Variants in DCAF8L2 observed in about 807,000 individuals in gnomAD.
DCAF8L2 encodes DDB1- and CUL4-associated factor 8-like protein 2.
For synonymous variants in DCAF8L2, 200 were observed against 190.9 expected (o/e 1.05, Z -0.39); for missense variants, 430 against 490.7 (o/e 0.88, Z 1.17).
chrX:27,584,195 T>A, the DCAF8L2 span, among the ~76,000 whole-genome samples: 15 of 111,839 alleles, frequency 1.3e-4, no homozygotes, highest in African/African-American at 4.9e-4. Flanking sequence ...TGCCTTGTTA[T>A]CAGCAAAAGA....
intron 1 of DCAF8L2, among the ~76,000 whole-genome samples, chrX:27,602,250 G>A (rs1486871756): frequency 9.0e-6 from 1 of 110,669 alleles, no homozygotes; most frequent in Non-Finnish European, 1.9e-5. Flanking sequence ...GGTCAGGCTG[G>A]TCTTGAACTC....
intron 2 of DCAF8L2, among the ~76,000 whole-genome samples, chrX:27,646,120 A>G (rs1928927140): frequency 8.9e-6 from 1 of 112,079 alleles, no homozygotes; most frequent in African/African-American, 3.2e-5. Context: ...ATCCTAAGCA[A>G]AAAGAACAAA....
intron 2 of DCAF8L2, among the ~76,000 whole-genome samples, chrX:27,666,591 C>T (rs1290754554): frequency 8.9e-6 from 1 of 111,987 alleles, no homozygotes; most frequent in Admixed American, 9.5e-5. Context: ...TGTAACACAG[C>T]ATATTTGTTT....
At chrX:27,575,505 A>G in the DCAF8L2 span, among the ~76,000 whole-genome samples, 7 of 110,947 alleles carry the variant, frequency 6.3e-5, no homozygotes, top group African/African-American at 2.0e-4. Context: ...CCCCCATATC[A>G]CTTAAAGGGA....
chrX:27,522,771 G>GAC, the DCAF8L2 span, among the ~76,000 whole-genome samples: 2 of 111,741 alleles, frequency 1.8e-5, no homozygotes, highest in Non-Finnish European at 3.8e-5. Flanking sequence ...CTTCTTCTTA[G>GAC]TAGTCTGTAG....
At chrX:27,587,988 ATATATATATATAT>A (rs1925944195), upstream of DCAF8L2, among the ~76,000 whole-genome samples, 1 of 13,242 alleles carries the variant, frequency 7.6e-5, no homozygotes, top group Non-Finnish European at 2.4e-4. Context: ...AAAAAAAAAT[ATATATATATATAT>A]ATATATATAT....
the DCAF8L2 span, among the ~76,000 whole-genome samples, chrX:27,488,546 TGTGTGTGTGTGTGTGTGC>T: frequency 0.029 from 2,423 of 82,862 alleles, 31 homozygotes; most frequent in Middle Eastern, 0.041. Context: ...TGTGTGTGTG[TGTGTGTGTGTGTGTGTGC>T]GCTTTCATAT....
At chrX:27,718,168 A>G (rs1329947249) in intron 4 of DCAF8L2, among the ~76,000 whole-genome samples, 1 of 111,619 alleles carries the variant, frequency 9.0e-6, no homozygotes, top group Non-Finnish European at 1.9e-5. Context: ...TGACTCTTTG[A>G]ATTAGATTTC....
chrX:27,484,612 TGA>T, the DCAF8L2 span, among the ~76,000 whole-genome samples: 1 of 111,558 alleles, frequency 9.0e-6, no homozygotes, highest in African/African-American at 3.2e-5. Flanking sequence ...TTAAATATGG[TGA>T]GAATACTGTG....
At chrX:27,608,020 G>A (rs966471564) in intron 1 of DCAF8L2, among the ~76,000 whole-genome samples, 7 of 111,535 alleles carry the variant, frequency 6.3e-5, no homozygotes, top group Non-Finnish European at 1.3e-4. Flanking sequence ...AAGAAGTTAT[G>A]ACATAGTTCT....
chrX:27,532,874 G>C, the DCAF8L2 span, among the ~76,000 whole-genome samples: 3 of 105,446 alleles, frequency 2.8e-5, no homozygotes, highest in South Asian at 4.4e-4. Flanking sequence ...TCAGGTGTTC[G>C]AGAACAGCCT....
At chrX:27,692,095 A>G (rs1339058061) in intron 3 of DCAF8L2, among the ~76,000 whole-genome samples, 1 of 111,795 alleles carries the variant, frequency 8.9e-6, no homozygotes, top group Non-Finnish European at 1.9e-5. Context: ...GGAAAGAGGT[A>G]TAGTTTATTT....
chrX:27,543,616 T>G, the DCAF8L2 span, among the ~76,000 whole-genome samples: 2 of 111,475 alleles, frequency 1.8e-5, no homozygotes, highest in Non-Finnish European at 3.8e-5. Flanking sequence ...CAACCTAAAG[T>G]CAAACAGGGT....
intron 3 of DCAF8L2, among the ~76,000 whole-genome samples, chrX:27,689,061 T>C (rs1250004403): frequency 1.8e-5 from 2 of 112,100 alleles, no homozygotes; most frequent in African/African-American, 6.5e-5. Context: ...GGAAAAGTGT[T>C]TTGCTATGAT....
chrX:27,479,932 GGCCTATGA>G, the DCAF8L2 span, among the ~76,000 whole-genome samples: 1 of 111,855 alleles, frequency 8.9e-6, no homozygotes, highest in Non-Finnish European at 1.9e-5. Context: ...ATCTCTGGAT[GGCCTATGA>G]GCCAAAAAAT....
chrX:27,743,755 C>T (rs373683913), intron 4 of DCAF8L2, among the ~76,000 whole-genome samples: 1 of 101,153 alleles, frequency 9.9e-6, no homozygotes, highest in East Asian at 3.1e-4. Context: ...ATTTTTGAGA[C>T]AGGGTCTCAC....
At chrX:27,494,183 G>A in the DCAF8L2 span, among the ~76,000 whole-genome samples, 32 of 110,977 alleles carry the variant, frequency 2.9e-4, no homozygotes, top group Middle Eastern at 4.7e-3. Flanking sequence ...CAAGGTGGGC[G>A]GATCATGAGG....
chrX:27,608,739 G>C (rs1247204860), intron 1 of DCAF8L2, among the ~76,000 whole-genome samples: 2 of 108,874 alleles, frequency 1.8e-5, no homozygotes, highest in East Asian at 5.7e-4. Context: ...TAAGACAGAA[G>C]AAGGTTCCTT....
intron 1 of DCAF8L2, among the ~76,000 whole-genome samples, chrX:27,597,274 A>G (rs751578412): frequency 4.6e-4 from 52 of 111,860 alleles, no homozygotes; most frequent in Non-Finnish European, 9.2e-4. Flanking sequence ...ATTCACATGA[A>G]CAGAACTTAA....
Sources: allele counts gnomAD v4.1 joint callset (sites outside exome capture counted in the v4.1 genomes callset), GRCh38; gene constraint gnomAD v4.1.1; transcripts MANE v1.5; gene names NCBI Gene and HGNC (gene_info 2026-07-23, HGNC 2026-07-21).